F13A1: variants seen among roughly 807,000 people sequenced by gnomAD.
F13A1 encodes FSF, A subunit.
In F13A1, 47 loss-of-function variants were observed where a neutral mutation model predicts 80.1. The ratio of observed to expected loss-of-function variants is 0.59; its 90% CI spans 0.46 to 0.75. F13A1 has a LOEUF of 0.75. F13A1 is among the 30% of genes least tolerant of loss of function. F13A1 has a pLI of 0.00. For synonymous variants in F13A1, 349 were observed against 344.9 expected (o/e 1.01, Z -0.13); for missense variants, 817 against 930.4 (o/e 0.88, Z 1.59).
intron 8 of F13A1, among the ~76,000 whole-genome samples, chr6:6,218,519 A>T (rs1286016287): frequency 6.6e-6 from 1 of 152,074 alleles, no homozygotes; most frequent in Non-Finnish European, 1.5e-5. Context: ...GCTACTTTGC[A>T]TTTGCCCACT....
rs553067915 is a variant in F13A1, at chr6:6,236,876, T to C, written c.798+11436A>G. Among the ~76,000 whole-genome samples, 555 of 152,268 alleles carry C rather than the reference T, an allele frequency of 3.6e-3. 1 individual carries two copies. Among genetic ancestry groups the C allele is most frequent in the African/African-American group, 0.013 (530 of 41,558 alleles). Reference sequence around the variant, plus strand: ...TGGCAAGGAGAAGAATTATTTCCTGTAGAAAATCGTTTCCAGGTTTTGTGA... The same window carrying C: ...TGGCAAGGAGAAGAATTATTTCCTGCAGAAAATCGTTTCCAGGTTTTGTGA... On this transcript the variant is annotated intron_variant, in intron 6 of 14. Coordinates refer to ENST00000264870, the MANE Select transcript of F13A1 (RefSeq NM_000129.4).
intron 3 of F13A1, among the ~76,000 whole-genome samples, chr6:6,274,921 A>G (rs1757967484): frequency 6.6e-6 from 1 of 152,200 alleles, no homozygotes. Context: ...AACTCAGGAT[A>G]CCTGTGGCAG....
intron 6 of F13A1, among the ~76,000 whole-genome samples, chr6:6,226,682 C>G (rs1290413587): frequency 6.6e-6 from 1 of 152,184 alleles, no homozygotes; most frequent in Admixed American, 6.5e-5. Context: ...CTCCGTCTTT[C>G]TGAGTTTTAC....
intron 3 of F13A1, among the ~76,000 whole-genome samples, chr6:6,296,919 C>A (rs927424409): frequency 3.4e-5 from 5 of 148,368 alleles, no homozygotes; most frequent in Non-Finnish European, 5.9e-5. Context: ...GAAATACATC[C>A]CATCAATACC....
chr6:6,304,555 C>T (rs1381751713), intron 3 of F13A1, among the ~76,000 whole-genome samples: 3 of 152,068 alleles, frequency 2.0e-5, no homozygotes, highest in South Asian at 4.1e-4. Flanking sequence ...TAATGTGCAT[C>T]GTTAATCTTC....
At chr6:6,259,387 C>T (rs765608059) in intron 4 of F13A1, among the ~76,000 whole-genome samples, 2 of 151,976 alleles carry the variant, frequency 1.3e-5, no homozygotes, top group South Asian at 2.1e-4. Flanking sequence ...ACAAGCAGGT[C>T]ATATTTATTT....
chr6:6,297,222 T>A (rs1352279265), intron 3 of F13A1, among the ~76,000 whole-genome samples: 94 of 151,966 alleles, frequency 6.2e-4, no homozygotes, highest in African/African-American at 2.1e-3. Context: ...TTTGGTTGTG[T>A]CTCTGCCCGG....
In F13A1 at chr6:6,305,523, C is replaced by T. The variant is rs779844635; in HGVS notation, c.147G>A (p.Thr49=). The T allele has an allele frequency of 5.6e-6, 9 of 1,614,038 alleles. No homozygotes were observed. Among genetic ancestry groups the T allele is most frequent in the East Asian group, 2.2e-5 (1 of 44,872 alleles). The part of the protein sequence containing the change: ...GVNLQEFLNV[T]SVHLFKERWD... The stretch of plus-strand genomic sequence containing the variant: ...ATCTCTCCTTGAACAGGTGAACGCT[C>T]GTGACATTAAGAAACTCTATGAACA... The change falls in exon 3 of 15, where the codon ACG becomes ACA. Residue 49 remains threonine, a synonymous_variant. Coordinates refer to ENST00000264870, the MANE Select transcript of F13A1 (RefSeq NM_000129.4).
intron 4 of F13A1, among the ~76,000 whole-genome samples, chr6:6,263,452 G>A (rs547059166): frequency 2.6e-5 from 4 of 152,104 alleles, no homozygotes; most frequent in South Asian, 2.1e-4. Context: ...ATCTCCTTGC[G>A]CTCCACTGAC....
chr6:6,161,994 A>AC (rs1760583988), intron 13 of F13A1, among the ~76,000 whole-genome samples: 1 of 151,938 alleles, frequency 6.6e-6, no homozygotes, highest in Non-Finnish European at 1.5e-5. Context: ...CTTTTAGGAA[A>AC]CTCCAGTTCC....
intron 6 of F13A1, among the ~76,000 whole-genome samples, chr6:6,239,296 C>T (rs1757454707): frequency 6.6e-6 from 1 of 152,000 alleles, no homozygotes; most frequent in Non-Finnish European, 1.5e-5. Flanking sequence ...TGCAAGAAAT[C>T]AGAATAGTAG....
chr6:6,172,262 T>G (rs1760789209), intron 12 of F13A1, among the ~76,000 whole-genome samples: 1 of 147,414 alleles, frequency 6.8e-6, no homozygotes, highest in Admixed American at 6.7e-5. Flanking sequence ...CAGTCATCGC[T>G]TACATCCAGA....
chr6:6,316,966 C>T (rs917574021), intron 2 of F13A1, among the ~76,000 whole-genome samples: 2 of 152,122 alleles, frequency 1.3e-5, no homozygotes, highest in African/African-American at 4.8e-5. Flanking sequence ...TAGAGGTTCC[C>T]GTTTTTCCCA....
At chr6:6,205,907 T>C (rs1761479101) in intron 8 of F13A1, among the ~76,000 whole-genome samples, 1 of 152,168 alleles carries the variant, frequency 6.6e-6, no homozygotes, top group African/African-American at 2.4e-5. Flanking sequence ...GAAAGCCCTT[T>C]CTGAGCACTT....
Position 6,144,851 on chromosome 6 carries a change from A to G in F13A1, c.*768T>C, listed in dbSNP as rs954719389. The G allele has an allele frequency of 2.6e-5, 4 of 152,696 alleles. No homozygotes were observed. The highest frequency in any genetic ancestry group is 9.6e-5 in the African/African-American group (4 of 41,456). 9.5% of individuals were successfully genotyped at this position (152,696 alleles called of 1,614,324 possible). On this transcript the variant is annotated 3_prime_UTR_variant, in exon 15 of 15. Transcript: ENST00000264870. ...TACTTCCTAGTATTGCATCCCAGAA[A>G]GGGTTAAAGTAAGGGATATTGGCTC...
rs201507113 is a variant in F13A1, at chr6:6,209,321, A to AT, written c.1113-11996dup. Among the ~76,000 whole-genome samples the AT allele has an allele frequency of 9.5e-3, 1,282 of 134,398 alleles. 14 individuals carry two copies. Among genetic ancestry groups the AT allele is most frequent in the South Asian group, 0.041 (178 of 4,376 alleles). The allele number at this position is 134,398 out of a possible 152,430, so 88.2% of individuals were successfully genotyped here. ...ACCCATTAGGATGGCTACAATAATA[A>AT]TTAAAAAAAAAAAAAAAACAGAAAA... is the stretch of plus-strand genomic sequence containing the variant. On this transcript the variant is annotated intron_variant, in intron 8 of 14. Coordinates refer to ENST00000264870, the MANE Select transcript of F13A1 (RefSeq NM_000129.4).
intron 8 of F13A1, among the ~76,000 whole-genome samples, chr6:6,218,772 T>A (rs1035997321): frequency 1.3e-5 from 2 of 152,154 alleles, no homozygotes; most frequent in African/African-American, 4.8e-5. Context: ...CTGTCCTTGA[T>A]GGTCTGCAGT....
At chr6:6,209,803 A>G (rs1356067690) in intron 8 of F13A1, among the ~76,000 whole-genome samples, 1 of 152,254 alleles carries the variant, frequency 6.6e-6, no homozygotes, top group African/African-American at 2.4e-5. Flanking sequence ...TGGCAAATCC[A>G]TAGAGAGAGA....
chr6:6,224,677 G>T lies in F13A1; in HGVS notation c.973+9C>A. ...ATATTAAAAAGAAATTACTCAGTTG[G>T]ATACTTACATGTGTTAAAGACACCA... is the stretch of plus-strand genomic sequence containing the variant. On this transcript the variant is annotated intron_variant, in intron 7 of 14. Transcript: ENST00000264870. 5.6e-6 allele frequency: 9 copies of T among 1,612,964 alleles called. No homozygotes were observed. The highest frequency in any genetic ancestry group is 7.6e-6 in the Non-Finnish European group (9 of 1,179,060).
Sources: gnomAD v4.1 joint callset for allele counts (sites outside exome capture counted in the v4.1 genomes callset) on GRCh38, gnomAD v4.1.1 for gene constraint, MANE v1.5 for transcripts, NCBI Gene and HGNC (gene_info 2026-07-23, HGNC 2026-07-21) for gene names.